Variants in CCDC3 observed in about 807,000 individuals in gnomAD.
CCDC3 encodes coiled-coil domain-containing protein 3.
Under a neutral mutation model 21.4 loss-of-function variants are expected in CCDC3, and 24 were observed. The ratio of observed to expected loss-of-function variants is 1.12; its 90% CI spans 0.81 to 1.58. CCDC3 has a LOEUF of 1.58. Among genes scored for constraint, CCDC3 ranks in the 40% most tolerant of loss-of-function variants. The pLI, the probability that CCDC3 is intolerant of heterozygous loss-of-function variation, is 0.00. For missense variants in CCDC3, 425 were observed against 360.9 expected (o/e 1.18, Z -1.44); for synonymous variants, 186 against 166.0 (o/e 1.12, Z -0.93).
intron 2 of CCDC3, among the ~76,000 whole-genome samples, chr10:12,972,408 A>C (rs1835357058): frequency 6.6e-6 from 1 of 152,062 alleles, no homozygotes. Context: ...TCCTGCCCTC[A>C]ACCACATCCC....
chr10:12,964,511 G>C (rs117684661), intron 2 of CCDC3, among the ~76,000 whole-genome samples: 4 of 152,276 alleles, frequency 2.6e-5, no homozygotes, highest in Admixed American at 1.3e-4. Context: ...ATCCATGAAG[G>C]AATCTAGCCT....
At chr10:12,927,317 C>T (rs1589009130) in intron 2 of CCDC3, among the ~76,000 whole-genome samples, 1 of 152,188 alleles carries the variant, frequency 6.6e-6, no homozygotes, top group African/African-American at 2.4e-5. Flanking sequence ...TACTTTAGCA[C>T]ACATCTCTAG....
rs1287651794 is a variant in CCDC3, at chr10:13,088,736, A to G, written c.-503+9789T>C. Among the ~76,000 whole-genome samples the G allele has an allele frequency of 2.0e-5, 3 of 152,162 alleles. No individual in the cohort carries two copies. The South Asian group carries it at 6.2e-4, about 32-fold the overall frequency. On this transcript the variant is annotated intron_variant, in intron 3 of 6. Transcript: ENST00000378839. Reference sequence around the variant, plus strand: ...AAAGCATTTTTAAAAAATTAACTGAATATTAGCTGGGCGCAGTGGCTCACG... The same window carrying G: ...AAAGCATTTTTAAAAAATTAACTGAGTATTAGCTGGGCGCAGTGGCTCACG...
In CCDC3 at chr10:12,915,182, T is replaced by TCC. The variant is rs1834332214; in HGVS notation, c.550-16504_550-16503insGG. The stretch of plus-strand genomic sequence containing the variant: ...AGGAAGAATTTTTCTGAAACCAGAA[T>TCC]TGATTTCTGGTTTCAAACGATTGTG... On this transcript the variant is annotated intron_variant, in intron 2 of 2. Transcript: ENST00000378825. Among the ~76,000 whole-genome samples, 5 of 152,318 alleles carry TCC rather than the reference T, an allele frequency of 3.3e-5. No homozygotes were observed. The South Asian group carries it at 1.0e-3, about 32-fold the overall frequency.
chr10:12,940,235 T>G (rs1462485594), intron 2 of CCDC3, among the ~76,000 whole-genome samples: 4 of 147,090 alleles, frequency 2.7e-5, no homozygotes, highest in Non-Finnish European at 4.6e-5. Flanking sequence ...AATTGTTTTT[T>G]TTTTTTTTTT....
chr10:12,908,405 T>A (rs556024005), intron 2 of CCDC3, among the ~76,000 whole-genome samples: 1 of 152,056 alleles, frequency 6.6e-6, no homozygotes, highest in South Asian at 2.1e-4. Context: ...ACTACAAGAG[T>A]GAGTGTCAAG....
intron 3 of CCDC3, among the ~76,000 whole-genome samples, chr10:13,093,207 G>A (rs1832596478): frequency 6.6e-6 from 1 of 152,086 alleles, no homozygotes; most frequent in Non-Finnish European, 1.5e-5. Flanking sequence ...CACGTGGCTG[G>A]GGAGGCCTCA....
intron 3 of CCDC3, among the ~76,000 whole-genome samples, chr10:13,074,799 T>G (rs1174202356): frequency 6.6e-6 from 1 of 152,236 alleles, no homozygotes; most frequent in Non-Finnish European, 1.5e-5. Context: ...GTTCCTGTTA[T>G]TCCACAATAT....
rs575500494 is a variant in CCDC3 at position 13,098,710 on chromosome 10, A to ATTTTTTTTTTTTTTTTTTTTTT, written c.-580-130_-580-109dup. On this transcript the variant is annotated intron_variant, in intron 2 of 6. Transcript: ENST00000378839. ...GAATGATCAGTTATTTCCTGCACTG[A>ATTTTTTTTTTTTTTTTTTTTTT]TTTTTTTTTTTTTTTTTTTTTTTTG... The ATTTTTTTTTTTTTTTTTTTTTT allele has an allele frequency of 1.1e-4, 7 of 64,844 alleles. 1 individual carries two copies. The highest frequency in any genetic ancestry group is 7.3e-4 in the South Asian group (1 of 1,372). The allele number at this position is 64,844 out of a possible 1,614,324, so 4.0% of individuals were successfully genotyped here.
At chr10:13,055,574 C>G (rs957651999) in intron 4 of CCDC3, among the ~76,000 whole-genome samples, 3 of 152,186 alleles carry the variant, frequency 2.0e-5, no homozygotes, top group Non-Finnish European at 2.9e-5. Flanking sequence ...ATCCTCCTGC[C>G]TCAGCCTCCC....
chr10:13,092,850 T>C (rs1832587808), intron 3 of CCDC3, among the ~76,000 whole-genome samples: 1 of 152,170 alleles, frequency 6.6e-6, no homozygotes, highest in Non-Finnish European at 1.5e-5. Flanking sequence ...CCTACAAATT[T>C]AATGACTGTC....
chr10:12,947,952 G>C (rs1342687712), intron 2 of CCDC3, among the ~76,000 whole-genome samples: 1 of 152,304 alleles, frequency 6.6e-6, no homozygotes, highest in African/African-American at 2.4e-5. Flanking sequence ...CACCTATTAA[G>C]TGAAATTGGA....
At chr10:12,972,031 T>C (rs941277077) in intron 2 of CCDC3, among the ~76,000 whole-genome samples, 2 of 152,144 alleles carry the variant, frequency 1.3e-5, no homozygotes, top group Admixed American at 6.5e-5. Context: ...CCTCTCCTAA[T>C]GCTGCCTTAT....
At chr10:12,996,601 G>T (rs1262218010) in intron 2 of CCDC3, among the ~76,000 whole-genome samples, 1 of 152,146 alleles carries the variant, frequency 6.6e-6, no homozygotes, top group Non-Finnish European at 1.5e-5. Context: ...CTCCCAAAGT[G>T]CTGGGATTAC....
chr10:12,897,528 G>A lies in CCDC3; in HGVS notation c.*888C>T, dbSNP rs1834019166. 1 of 152,248 alleles carries A rather than the reference G, an allele frequency of 6.6e-6. No homozygotes were observed. Among genetic ancestry groups the A allele is most frequent in the Non-Finnish European group, 1.5e-5 (1 of 68,060 alleles). 9.4% of individuals were successfully genotyped at this position (152,248 alleles called of 1,614,324 possible). On this transcript the variant is annotated 3_prime_UTR_variant, in exon 3 of 3. Coordinates refer to ENST00000378825, the MANE Select transcript of CCDC3 (RefSeq NM_031455.4). ...AGGTCACGTGATCCCAGTAGGTAAG[G>A]AGGTGTCTTTGCAGAAGTTCACAGC...
intron 2 of CCDC3, among the ~76,000 whole-genome samples, chr10:12,964,560 A>G (rs10906266): frequency 0.86 from 130,938 of 151,776 alleles, 57,642 homozygotes; most frequent in East Asian, 1. Context: ...GCCGAGCCAA[A>G]AGAATCACCA....
chr10:12,921,540 A>G (rs75116967), intron 2 of CCDC3, among the ~76,000 whole-genome samples: 2 of 152,208 alleles, frequency 1.3e-5, no homozygotes, highest in African/African-American at 4.8e-5. Flanking sequence ...ACTTTTTCAA[A>G]TGATCTCTTA....
intron 3 of CCDC3, among the ~76,000 whole-genome samples, chr10:13,085,649 T>C (rs1837092942): frequency 6.6e-6 from 1 of 152,128 alleles, no homozygotes; most frequent in African/African-American, 2.4e-5. Context: ...AACTTTCAAA[T>C]ATTCCATAAA....
chr10:13,016,210 T>C (rs909334912), intron 5 of CCDC3, among the ~76,000 whole-genome samples: 1 of 150,984 alleles, frequency 6.6e-6, no homozygotes, highest in Admixed American at 6.6e-5. Flanking sequence ...CTCTCAAAAT[T>C]CCCCTCCCAT....
Sources: gnomAD v4.1 joint callset for allele counts (sites outside exome capture counted in the v4.1 genomes callset) on GRCh38, gnomAD v4.1.1 for gene constraint, MANE v1.5 for transcripts, NCBI Gene and HGNC (gene_info 2026-07-23, HGNC 2026-07-21) for gene names.